Variants in FUT8 observed in about 807,000 individuals in gnomAD.
The protein encoded by FUT8 is fucosyltransferase 8.
A neutral mutation model predicts 71.3 loss-of-function variants in FUT8; 29 were observed. The observed-to-expected ratio is 0.41, with a 90% CI of 0.30 to 0.55. The LOEUF is 0.55. Ranked by LOEUF, FUT8 falls within the 20% of genes least tolerant of loss-of-function variation. The pLI is 0.34. For synonymous variants in FUT8, 254 were observed against 239.3 expected (o/e 1.06, Z -0.57); for missense variants, 544 against 702.1 (o/e 0.77, Z 2.55).
At chr14:65,443,266 C>T (rs938871479) in intron 1 of FUT8, among the ~76,000 whole-genome samples, 4 of 151,714 alleles carry the variant, frequency 2.6e-5, no homozygotes, top group East Asian at 3.9e-4. Context: ...AAAAATTAGC[C>T]GGGCATGGTG....
At chr14:65,485,120 T>G (rs757124352) in intron 2 of FUT8, among the ~76,000 whole-genome samples, 2 of 152,114 alleles carry the variant, frequency 1.3e-5, no homozygotes, top group Non-Finnish European at 2.9e-5. Flanking sequence ...GAGAATTGCT[T>G]GAGCCCAGGT....
intron 2 of FUT8, among the ~76,000 whole-genome samples, chr14:65,497,238 A>G (rs2066573051): frequency 6.6e-6 from 1 of 152,168 alleles, no homozygotes; most frequent in Non-Finnish European, 1.5e-5. Context: ...AAGATGAAAG[A>G]TGGGAATGGG....
chr14:65,399,160 T>C, the FUT8 span, among the ~76,000 whole-genome samples: 29 of 151,738 alleles, frequency 1.9e-4, no homozygotes, highest in Admixed American at 8.5e-4. Context: ...CTAGTAAAAA[T>C]ACAAAAATTA....
chr14:65,516,083 G>A (rs910039837), intron 2 of FUT8, among the ~76,000 whole-genome samples: 6 of 152,042 alleles, frequency 3.9e-5, no homozygotes, highest in Non-Finnish European at 5.9e-5. Flanking sequence ...AGGATCCCTT[G>A]AGCCTAGGAA....
At chr14:65,439,954 G>GTGTGTGTGTGTATATATATATA in intron 1 of FUT8, among the ~76,000 whole-genome samples, 1 of 74,984 alleles carries the variant, frequency 1.3e-5, no homozygotes, top group African/African-American at 5.1e-5. Flanking sequence ...GTGTGTGTGT[G>GTGTGTGTGTGTATATATATATA]TATATATATA....
intron 6 of FUT8, among the ~76,000 whole-genome samples, chr14:65,665,232 G>A (rs1194921418): frequency 6.6e-6 from 1 of 152,176 alleles, no homozygotes; most frequent in Non-Finnish European, 1.5e-5. Context: ...ATATAAAATT[G>A]TGAAGATAGA....
intron 2 of FUT8, among the ~76,000 whole-genome samples, chr14:65,463,749 C>A (rs917503628): frequency 6.6e-5 from 10 of 152,102 alleles, no homozygotes; most frequent in Non-Finnish European, 1.5e-4. Flanking sequence ...TTTTCCTTCT[C>A]ATTTTAGGTT....
At chr14:65,385,831 G>A in the FUT8 span, among the ~76,000 whole-genome samples, 1 of 151,804 alleles carries the variant, frequency 6.6e-6, no homozygotes, top group African/African-American at 2.4e-5. Context: ...CGTGAGCCAC[G>A]GCACCCAGCC....
At chr14:65,423,705 C>T (rs1246365544) in intron 1 of FUT8, among the ~76,000 whole-genome samples, 1 of 152,208 alleles carries the variant, frequency 6.6e-6, no homozygotes, top group African/African-American at 2.4e-5. Context: ...GCATTATATT[C>T]TTCAGCTTTA....
chr14:65,592,093 G>A (rs991526843), intron 3 of FUT8, among the ~76,000 whole-genome samples: 11 of 151,982 alleles, frequency 7.2e-5, no homozygotes, highest in African/African-American at 2.4e-4. Flanking sequence ...ATTTTTCTGC[G>A]ACTTTGCATA....
intron 3 of FUT8, among the ~76,000 whole-genome samples, chr14:65,595,231 C>T (rs562617591): frequency 3.9e-5 from 6 of 152,100 alleles, no homozygotes; most frequent in African/African-American, 1.4e-4. Flanking sequence ...TCCTGAGTCT[C>T]CTGAAAGTGT....
chr14:65,657,473 A>G (rs1008248067), intron 6 of FUT8, among the ~76,000 whole-genome samples: 4 of 152,182 alleles, frequency 2.6e-5, no homozygotes, highest in African/African-American at 9.6e-5. Flanking sequence ...CCTATACACA[A>G]TGGAGTACTA....
At chr14:65,693,485 G>A (rs555046682) in intron 7 of FUT8, among the ~76,000 whole-genome samples, 7 of 152,314 alleles carry the variant, frequency 4.6e-5, no homozygotes, top group South Asian at 2.1e-4. Flanking sequence ...GCTTCAGCTC[G>A]GCATCACAGG....
At chr14:65,496,742 GTGTGAGAATGGACTCTGGCC>G (rs1276984143) in intron 2 of FUT8, among the ~76,000 whole-genome samples, 4 of 152,152 alleles carry the variant, frequency 2.6e-5, no homozygotes, top group Non-Finnish European at 5.9e-5. Flanking sequence ...CTTCATAGCA[GTGTGAGAATGGACTCTGGCC>G]ATGATTTTCT....
At chr14:65,552,516 A>G (rs1013941753) in intron 2 of FUT8, among the ~76,000 whole-genome samples, 17 of 152,340 alleles carry the variant, frequency 1.1e-4, no homozygotes, top group Middle Eastern at 3.4e-3. Flanking sequence ...AATAAAATTT[A>G]CATAACATGA....
intron 3 of FUT8, among the ~76,000 whole-genome samples, chr14:65,579,126 A>G (rs759047535): frequency 6.6e-6 from 1 of 152,174 alleles, no homozygotes; most frequent in Non-Finnish European, 1.5e-5. Context: ...ACCATTTGTT[A>G]TGTGCAGAAG....
At chr14:65,650,738 AC>A (rs1566875598) in intron 6 of FUT8, among the ~76,000 whole-genome samples, 1 of 150,208 alleles carries the variant, frequency 6.7e-6, no homozygotes, top group African/African-American at 2.5e-5. Flanking sequence ...AACAAAAAAA[AC>A]CACAAACTTG....
rs561873728 is a variant in FUT8 at position 65,467,688 on chromosome 14, C to G, written c.-228+11970C>G. 105 of 355,196 alleles carry G rather than the reference C, an allele frequency of 3.0e-4. No homozygotes were observed. The highest frequency in any genetic ancestry group is 2.1e-3 in the African/African-American group (99 of 46,610). The allele number at this position is 355,196 out of a possible 1,614,324, so 22.0% of individuals were successfully genotyped here. ...AGAGGGTTTCACTATGTTGGCCAGG[C>G]TGGTCTCGAACTCCTGACCTCATGG... On this transcript the variant is annotated intron_variant, in intron 2 of 10. Transcript: ENST00000673929. This position sits in a 1 kb window ranked among gnomAD's most constrained non-coding sequence, Gnocchi z 4.1.
intron 1 of FUT8, among the ~76,000 whole-genome samples, chr14:65,436,879 G>A (rs1274469999): frequency 2.0e-5 from 3 of 152,114 alleles, no homozygotes; most frequent in Non-Finnish European, 4.4e-5. Flanking sequence ...ACCAAATGAT[G>A]CATTTAAAAA....
Sources: gnomAD v4.1 joint callset for allele counts (sites outside exome capture counted in the v4.1 genomes callset) on GRCh38, gnomAD v4.1.1 for gene constraint, Gnocchi (gnomAD v3.1) non-coding constraint, MANE v1.5 for transcripts, NCBI Gene and HGNC (gene_info 2026-07-23, HGNC 2026-07-21) for gene names.